Variants in OPTN observed in about 807,000 individuals in gnomAD.
OPTN encodes the protein E3-14.7K-interacting protein.
Under a neutral mutation model 70.4 loss-of-function variants are expected in OPTN, and 54 were observed. That is an observed-to-expected ratio of 0.77 (90% CI 0.62 to 0.96). OPTN has a LOEUF of 0.96. OPTN is among the 40% of genes least tolerant of loss of function. The probability of loss-of-function intolerance (pLI) is 0.00; values close to 1 mark genes in which losing one functional copy is unlikely to be tolerated. For missense variants in OPTN, 624 were observed against 673.2 expected (o/e 0.93, Z 0.81); for synonymous variants, 256 against 248.5 (o/e 1.03, Z -0.28).
chr10:13,114,320 G>A (rs926909041), intron 5 of OPTN, among the ~76,000 whole-genome samples: 11 of 152,126 alleles, frequency 7.2e-5, no homozygotes, highest in African/African-American at 1.7e-4. Flanking sequence ...TAATTAAAAT[G>A]TCAATTGAAA....
At chr10:13,114,791 TA>T in intron 5 of OPTN, among the ~76,000 whole-genome samples, 3 of 104,640 alleles carry the variant, frequency 2.9e-5, no homozygotes, top group African/African-American at 1.1e-4. Flanking sequence ...TATAATTATA[TA>T]ATTATATATA....
At chr10:13,133,310 T>A (rs970170687) in intron 13 of OPTN, among the ~76,000 whole-genome samples, 192 bp from the exon 14 acceptor site, 1 of 152,274 alleles carries the variant, frequency 6.6e-6, no homozygotes, top group Non-Finnish European at 1.5e-5. Flanking sequence ...TGATTTTTTT[T>A]AACTGTAATT....
Position 13,137,965 on chromosome 10 carries a change from A to T in OPTN, c.*1099A>T, listed in dbSNP as rs1833731424. ...CAAGAATTAGTGATGGCAAAATAAAATTTTGCTTATGAATCTTTTACATTG... is the reference window on the plus strand; with the variant it reads ...CAAGAATTAGTGATGGCAAAATAAATTTTTGCTTATGAATCTTTTACATTG... On this transcript the variant is annotated 3_prime_UTR_variant, in exon 15 of 15. Coordinates refer to ENST00000378747, the MANE Select transcript of OPTN (RefSeq NM_001008212.2). 9.5e-6 allele frequency: 2 copies of T among 211,578 alleles called. No homozygotes were observed. The highest frequency in any genetic ancestry group is 4.5e-5 in the African/African-American group (2 of 44,106). The allele number at this position is 211,578 out of a possible 1,614,324, so 13.1% of individuals were successfully genotyped here.
At chr10:13,111,890 C>T (rs1302165738) in intron 4 of OPTN, among the ~76,000 whole-genome samples, 1 of 141,886 alleles carries the variant, frequency 7.0e-6, no homozygotes, top group African/African-American at 2.6e-5. Flanking sequence ...CTCTGTTGCC[C>T]AGGCTGGAGT....
At chr10:13,105,673 C>G (rs1273751963) in intron 1 of OPTN, among the ~76,000 whole-genome samples, 2 of 152,128 alleles carry the variant, frequency 1.3e-5, no homozygotes, top group East Asian at 1.9e-4. Context: ...CTTTGGGAGG[C>G]TGAGATGGGT....
At chr10:13,104,846 G>A (rs536399228) in intron 1 of OPTN, 20 of 410,996 alleles carry the variant, frequency 4.9e-5, no homozygotes, top group Non-Finnish European at 8.7e-5. Context: ...TTCAAGGAAC[G>A]AAGAAGGGAC....
chr10:13,138,258 T>C lies in OPTN; in HGVS notation c.*1392T>C, dbSNP rs1833735337. 1 of 181,584 alleles carries C rather than the reference T, an allele frequency of 5.5e-6. No homozygotes were observed. Among genetic ancestry groups the C allele is most frequent in the East Asian group, 9.0e-5 (1 of 11,068 alleles). 11.2% of individuals were successfully genotyped at this position (181,584 alleles called of 1,614,324 possible). A position where few individuals can be genotyped will look rare whatever the true frequency, so the allele number is the denominator to read the frequency against. ...TAAAAGTAAACAGTGTGTTTATGCA[T>C]TGAGATACTAAAGCATTTAAGAAAA... is the stretch of plus-strand genomic sequence containing the variant. On this transcript the variant is annotated 3_prime_UTR_variant, in exon 15 of 15. Transcript: ENST00000378747.
chr10:13,133,357 T>C (rs1833631779), intron 13 of OPTN, 145 bp from the exon 14 acceptor site: 1 of 708,750 alleles, frequency 1.4e-6, no homozygotes, highest in African/African-American at 1.8e-5. Flanking sequence ...CAATAGTATT[T>C]AAAACTAAAA....
rs1184369200 is a variant in OPTN at position 13,125,955 on chromosome 10, A to C, written c.1158A>C (p.Leu386Phe). ...ATATCTTTTTTAATAGGTCCAAATTAACTGTGCTACAGATGACACACAACA... is the reference window on the plus strand; with the variant it reads ...ATATCTTTTTTAATAGGTCCAAATTCACTGTGCTACAGATGACACACAACA... ...QAKTEDEKSK[L>F]TVLQMTHNKL... The change falls in exon 11 of 15, where the codon TTA becomes TTC. Residue 386 changes from leucine to phenylalanine, a missense_variant. By Grantham distance (22) the Leu-to-Phe change is conservative. Transcript: ENST00000378747. The C allele has an allele frequency of 3.1e-6, 5 of 1,606,886 alleles. No homozygotes were observed. Among genetic ancestry groups the C allele is most frequent in the Non-Finnish European group, 4.3e-6 (5 of 1,173,458 alleles).
rs148857878 is a variant in OPTN at position 13,116,284 on chromosome 10, G to A, written c.570G>A (p.Gly190=). The A allele has an allele frequency of 6.2e-7, 1 of 1,611,526 alleles. No homozygotes were observed. Among genetic ancestry groups the A allele is most frequent in the African/African-American group, 1.3e-5 (1 of 74,950 alleles). Residue 190 remains glycine, a synonymous_variant, in exon 6 of 15, where the codon GGG becomes GGA. Coordinates refer to ENST00000378747, the MANE Select transcript of OPTN (RefSeq NM_001008212.2). ...TTTCACAGGAAGGAGAAGCAGAAGG[G>A]TCAGTAAAAGAAATCAAGCATAGTC... is the stretch of plus-strand genomic sequence containing the variant. ...EIRMAEGEAE[G]SVKEIKHSPG... is the part of the protein sequence containing the mutation.
rs1833371113 is a variant in OPTN at position 13,122,451 on chromosome 10, AG to A, written c.847del (p.Glu283ArgfsTer20). On this transcript the variant is annotated frameshift_variant, in exon 8 of 15. Transcript: ENST00000378747. LOFTEE classifies it high-confidence loss of function. ...TTGAAACCCAGACAGAGGGGAGCAC[AG>A]AGAAAGAGAATGATGAAGAGAAAGG... ...EIETQTEGST[E>X]KENDEEKGPE... The A allele has an allele frequency of 6.2e-7, 1 of 1,613,986 alleles. No individual in the cohort carries two copies. Among genetic ancestry groups the A allele is most frequent in the Non-Finnish European group, 8.5e-7 (1 of 1,179,924 alleles).
chr10:13,114,935 A>G (rs1214302225), intron 5 of OPTN, among the ~76,000 whole-genome samples: 1 of 45,912 alleles, frequency 2.2e-5, no homozygotes, highest in Non-Finnish European at 3.8e-5. Flanking sequence ...CTATATTTAT[A>G]TATATTTATA....
intron 2 of OPTN, 184 bp from the exon 3 acceptor site, chr10:13,108,928 T>C (rs1299990080): frequency 1.6e-6 from 1 of 625,032 alleles, no homozygotes; most frequent in Admixed American, 2.3e-5. Flanking sequence ...ACACACACTT[T>C]TCTGAAGCTA....
intron 7 of OPTN, 56 bp downstream of exon 7, chr10:13,119,096 A>G (rs1379493747): frequency 4.2e-5 from 61 of 1,457,882 alleles, no homozygotes; most frequent in Non-Finnish European, 5.4e-5. Flanking sequence ...TTCCTGAGAT[A>G]TAATTAAGAT....
Position 13,118,459 on chromosome 10 carries a change from C to G in OPTN, c.627-429C>G, listed in dbSNP as rs376464601. Reference sequence around the variant, plus strand: ...TCCCCTTGACTTAAGCTGTGATGGTCTCTGTTAACTTGGAGAAAGGCCAGT... The same window carrying G: ...TCCCCTTGACTTAAGCTGTGATGGTGTCTGTTAACTTGGAGAAAGGCCAGT... On this transcript the variant is annotated intron_variant, in intron 6 of 14. Coordinates refer to ENST00000378747, the MANE Select transcript of OPTN (RefSeq NM_001008212.2). Among the ~76,000 whole-genome samples the G allele has an allele frequency of 1.1e-4, 16 of 152,338 alleles. No individual in the cohort carries two copies. The East Asian group carries it at 2.7e-3, about 26-fold the overall frequency.
At chr10:13,119,601 C>G (rs1833297809) in intron 7 of OPTN, among the ~76,000 whole-genome samples, 1 of 152,168 alleles carries the variant, frequency 6.6e-6, no homozygotes, top group Non-Finnish European at 1.5e-5. Flanking sequence ...TACGGTATCG[C>G]TATTTCATAT....
intron 5 of OPTN, among the ~76,000 whole-genome samples, chr10:13,115,619 TATATCTAA>T (rs1396589717): frequency 3.7e-5 from 5 of 136,636 alleles, no homozygotes; most frequent in African/African-American, 8.2e-5. Context: ...TATATATTTC[TATATCTAA>T]ATATCTAAAT....
chr10:13,118,730 G>T (rs574854212), intron 6 of OPTN, among the ~76,000 whole-genome samples, 158 bp from the exon 7 acceptor site: 3 of 152,310 alleles, frequency 2.0e-5, no homozygotes, highest in Non-Finnish European at 2.9e-5. Context: ...TGGCACTGGG[G>T]GTCCCAGGAC....
At chr10:13,113,942 G>A (rs2131491577) in intron 5 of OPTN, among the ~76,000 whole-genome samples, 1 of 152,154 alleles carries the variant, frequency 6.6e-6, no homozygotes. Flanking sequence ...GCACACACCT[G>A]TACTCCCAGC....
Sources: allele counts gnomAD v4.1 joint callset (sites outside exome capture counted in the v4.1 genomes callset), GRCh38; gene constraint gnomAD v4.1.1; transcripts MANE v1.5; gene names NCBI Gene and HGNC (gene_info 2026-07-23, HGNC 2026-07-21).